Variants in CEP128 observed in about 807,000 individuals in gnomAD.
The protein encoded by CEP128 is centrosomal protein 128, also known as centrosomal protein 128kDa.
In CEP128, 132 loss-of-function variants were observed where a neutral mutation model predicts 156.7. That is an observed-to-expected ratio of 0.84 (90% CI 0.73 to 0.97). The LOEUF is 0.97. Ranked by LOEUF, CEP128 falls within the 50% of genes least tolerant of loss-of-function variation. The pLI is 0.00. For synonymous variants in CEP128, 469 were observed against 448.9 expected (o/e 1.04, Z -0.57); for missense variants, 1,252 against 1,281.9 (o/e 0.98, Z 0.36).
chr14:80,745,290 G>A lies in CEP128; in HGVS notation c.2614-2023C>T, dbSNP rs548434233. ...CCACCATGATTGTAAGTTTCCTGAGGCCTCCCCAACCAAGCCTCCTGCACA... is the reference window on the plus strand; with the variant it reads ...CCACCATGATTGTAAGTTTCCTGAGACCTCCCCAACCAAGCCTCCTGCACA... On this transcript the variant is annotated intron_variant, in intron 18 of 24. Coordinates refer to ENST00000555265, the MANE Select transcript of CEP128 (RefSeq NM_152446.5). 1.8e-3 allele frequency among the ~76,000 whole-genome samples: 279 copies of A among 152,102 alleles called. 2 individuals are homozygous for A. Among genetic ancestry groups the A allele is most frequent in the African/African-American group, 6.5e-3 (268 of 41,492 alleles).
At chr14:80,536,518 A>C (rs1161974542) in intron 21 of CEP128, among the ~76,000 whole-genome samples, 1 of 152,200 alleles carries the variant, frequency 6.6e-6, no homozygotes, top group African/African-American at 2.4e-5. Flanking sequence ...TTTCATTTGG[A>C]AACAGATCCA....
At chr14:80,645,070 C>T (rs1894578582) in intron 19 of CEP128, among the ~76,000 whole-genome samples, 1 of 152,018 alleles carries the variant, frequency 6.6e-6, no homozygotes, top group Non-Finnish European at 1.5e-5. Context: ...CATTCTGCAT[C>T]CCAGATTTTT....
chr14:80,721,462 G>C (rs1897813474), intron 19 of CEP128, among the ~76,000 whole-genome samples: 1 of 152,008 alleles, frequency 6.6e-6, no homozygotes, highest in Non-Finnish European at 1.5e-5. Context: ...CCGGATTTTG[G>C]CATCTCAGTT....
chr14:80,802,238 G>A (rs543395979), intron 13 of CEP128, among the ~76,000 whole-genome samples: 8 of 152,154 alleles, frequency 5.3e-5, no homozygotes, highest in Admixed American at 2.0e-4. Context: ...ATATGCACAC[G>A]TATGTTTATT....
In CEP128 at chr14:80,821,363, A is replaced by T. The variant is rs539180190; in HGVS notation, c.1209+9780T>A. On this transcript the variant is annotated intron_variant, in intron 13 of 24. Coordinates refer to ENST00000555265, the MANE Select transcript of CEP128 (RefSeq NM_152446.5). ...TTATAAAGAATACCAACCCTCTTTCAATGGTATTTCAGGTAGACAAGCATT... is the reference window on the plus strand; with the variant it reads ...TTATAAAGAATACCAACCCTCTTTCTATGGTATTTCAGGTAGACAAGCATT... Among the ~76,000 whole-genome samples, 6 of 152,336 alleles carry T rather than the reference A, an allele frequency of 3.9e-5. 1 individual carries two copies. Among genetic ancestry groups the T allele is most frequent in the African/African-American group, 1.4e-4 (6 of 41,568 alleles).
chr14:80,713,128 T>C (rs779516891), intron 19 of CEP128, among the ~76,000 whole-genome samples: 6 of 152,022 alleles, frequency 3.9e-5, no homozygotes, highest in Non-Finnish European at 5.9e-5. Context: ...GTGGGAGGGA[T>C]TGCAGGTAAA....
chr14:80,593,121 T>C (rs1892152470), intron 19 of CEP128, among the ~76,000 whole-genome samples: 1 of 152,128 alleles, frequency 6.6e-6, no homozygotes, highest in African/African-American at 2.4e-5. Context: ...ACCACTCCTA[T>C]TCAACATAGT....
chr14:80,554,089 G>T (rs1890328362), intron 21 of CEP128, among the ~76,000 whole-genome samples: 1 of 152,194 alleles, frequency 6.6e-6, no homozygotes, highest in East Asian at 1.9e-4. Context: ...TGGAATCAAT[G>T]CTTCTTATTC....
intron 13 of CEP128, among the ~76,000 whole-genome samples, chr14:80,828,631 A>C (rs1885617130): frequency 1.3e-5 from 2 of 152,210 alleles, no homozygotes; most frequent in Non-Finnish European, 2.9e-5. Context: ...AGTTGTTCAC[A>C]GAAACAGTGA....
At chr14:80,953,934 C>A (rs1042416713) in intron 2 of CEP128, among the ~76,000 whole-genome samples, 1 of 152,064 alleles carries the variant, frequency 6.6e-6, no homozygotes, top group African/African-American at 2.4e-5. Flanking sequence ...ATTATGCATT[C>A]AAGATTTGTT....
chr14:80,541,443 TAAA>T (rs35523389), intron 21 of CEP128, among the ~76,000 whole-genome samples: 3 of 109,950 alleles, frequency 2.7e-5, no homozygotes, highest in South Asian at 3.0e-4. Flanking sequence ...ATGACTGTGT[TAAA>T]AAAAAAAAAA....
chr14:80,530,764 T>G, intron 22 of CEP128, 45 bp downstream of exon 22: 1 of 1,353,410 alleles, frequency 7.4e-7, no homozygotes, highest in East Asian at 2.3e-5. Flanking sequence ...TCAAGTGTTC[T>G]CACTCAGATA....
chr14:80,922,407 T>C (rs550131952), intron 2 of CEP128, among the ~76,000 whole-genome samples: 20 of 152,352 alleles, frequency 1.3e-4, no homozygotes, highest in African/African-American at 4.3e-4. Context: ...GAAAGAAAAT[T>C]TATTTTAATT....
At chr14:80,880,921 G>A (rs2139315020) in intron 8 of CEP128, among the ~76,000 whole-genome samples, 1 of 139,896 alleles carries the variant, frequency 7.1e-6, no homozygotes, top group South Asian at 2.3e-4. Flanking sequence ...TTCAGTAAAG[G>A]ATACAAAATC....
chr14:80,597,577 T>G (rs1892384596), intron 19 of CEP128, among the ~76,000 whole-genome samples: 1 of 150,484 alleles, frequency 6.6e-6, no homozygotes, highest in South Asian at 2.1e-4. Context: ...TTATTTAGCC[T>G]ATTTCAATAC....
chr14:80,529,771 A>G lies in CEP128; in HGVS notation c.2958+1038T>C, dbSNP rs566232957. ...ATTCTTTGATAGATATTTAAACTGCAAATATATAATCAAATCAAACACTTG... is the reference window on the plus strand; with the variant it reads ...ATTCTTTGATAGATATTTAAACTGCGAATATATAATCAAATCAAACACTTG... On this transcript the variant is annotated intron_variant, in intron 22 of 24. Coordinates refer to ENST00000555265, the MANE Select transcript of CEP128 (RefSeq NM_152446.5). Among the ~76,000 whole-genome samples, 4 of 152,348 alleles carry G rather than the reference A, an allele frequency of 2.6e-5. No individual in the cohort carries two copies. The East Asian group carries it at 7.7e-4, about 29-fold the overall frequency.
At chr14:80,834,657 GACTT>G (rs1488458263) in intron 12 of CEP128, among the ~76,000 whole-genome samples, 1 of 152,112 alleles carries the variant, frequency 6.6e-6, no homozygotes, top group Non-Finnish European at 1.5e-5. Flanking sequence ...AGTCCTCAAA[GACTT>G]ACAACAGAAA....
chr14:80,822,727 C>T, intron 13 of CEP128: 2 of 843,938 alleles, frequency 2.4e-6, no homozygotes, highest in South Asian at 2.6e-5. Context: ...AGGGGAATAG[C>T]CCTGTAGAAA....
At chr14:80,623,313 G>A (rs1566817356) in intron 19 of CEP128, among the ~76,000 whole-genome samples, 1 of 149,684 alleles carries the variant, frequency 6.7e-6, no homozygotes, top group Non-Finnish European at 1.5e-5. Context: ...CTGTTGTGGG[G>A]TGGGGGGAAG....
Sources: allele counts gnomAD v4.1 joint callset (sites outside exome capture counted in the v4.1 genomes callset), GRCh38; gene constraint gnomAD v4.1.1; transcripts MANE v1.5; gene names NCBI Gene and HGNC (gene_info 2026-07-23, HGNC 2026-07-21).